STXBP5L: variants seen among roughly 807,000 people sequenced by gnomAD.
STXBP5L encodes the protein syntaxin-binding protein 5-like.
In STXBP5L, 65 loss-of-function variants were observed where a neutral mutation model predicts 144.5. That is an observed-to-expected ratio of 0.45 (90% CI 0.37 to 0.55). STXBP5L has a LOEUF of 0.55. Ranked by LOEUF, STXBP5L falls within the 20% of genes least tolerant of loss-of-function variation. The pLI is 0.00. For synonymous variants in STXBP5L, 505 were observed against 469.6 expected (o/e 1.08, Z -0.97); for missense variants, 1,298 against 1,405.5 (o/e 0.92, Z 1.22).
chr3:120,910,332 G>C (rs952617631), intron 2 of STXBP5L, among the ~76,000 whole-genome samples: 1 of 152,164 alleles, frequency 6.6e-6, no homozygotes, highest in South Asian at 2.1e-4. Context: ...GGGTGTTCTG[G>C]TTTAGTAAGA....
intron 17 of STXBP5L, 23 bp from the exon 18 acceptor site, chr3:121,259,020 T>C: frequency 1.3e-6 from 2 of 1,583,568 alleles, no homozygotes; most frequent in Non-Finnish European, 1.7e-6. Flanking sequence ...CTGTATATAA[T>C]AGGATTGTTT....
chr3:121,375,066 A>G lies in STXBP5L; in HGVS notation c.2177-3650A>G, dbSNP rs140132839. On this transcript the variant is annotated intron_variant, in intron 20 of 26. Coordinates refer to ENST00000471454, the MANE Select transcript of STXBP5L (RefSeq NM_001308330.2). The stretch of plus-strand genomic sequence containing the variant: ...AGTGAAAGAGGAGAAATTACTTACC[A>G]GGTACAGAGTACTTATTCAGATGTG... Among the ~76,000 whole-genome samples, 54 of 152,264 alleles carry G rather than the reference A, an allele frequency of 3.5e-4. 1 individual carries two copies. In the East Asian group the frequency reaches 5.4e-3, roughly 15 times the overall value.
At chr3:121,053,504 T>C (rs1160974587) in intron 5 of STXBP5L, among the ~76,000 whole-genome samples, 1 of 152,224 alleles carries the variant, frequency 6.6e-6, no homozygotes, top group South Asian at 2.1e-4. Context: ...GGATTCCCTA[T>C]TTAATAAATG....
chr3:121,259,060 T>C lies in STXBP5L; in HGVS notation c.1850T>C (p.Val617Ala). The C allele has an allele frequency of 6.2e-7, 1 of 1,604,146 alleles. No homozygotes were observed. Among genetic ancestry groups the C allele is most frequent in the Non-Finnish European group, 8.5e-7 (1 of 1,174,152 alleles). The change falls in exon 18 of 27, where the codon GTG becomes GCG. Residue 617 changes from valine (V) to alanine (A), a missense_variant. Physicochemically the swap from Val to Ala is moderately conservative, Grantham distance 64. Coordinates refer to ENST00000471454, the MANE Select transcript of STXBP5L (RefSeq NM_001308330.2). ...IPCLNVKTRP[V>A]RMPPGYQAEL... ...TCTTAAAGTGTGAAGACACGGCCAG[T>C]GCGAATGCCTCCAGGATATCAAGCA...
chr3:121,035,823 A>G (rs1318915453), intron 3 of STXBP5L, among the ~76,000 whole-genome samples: 1 of 152,102 alleles, frequency 6.6e-6, no homozygotes, highest in African/African-American at 2.4e-5. Flanking sequence ...AATCTAGATC[A>G]ATTTAGGGAA....
chr3:121,114,622 A>T (rs1224334013), intron 5 of STXBP5L, among the ~76,000 whole-genome samples: 1 of 152,148 alleles, frequency 6.6e-6, no homozygotes, highest in African/African-American at 2.4e-5. Context: ...TAAACAAAAA[A>T]ATTCAGCCAC....
At chr3:121,396,087 C>T (rs1458270044) in intron 22 of STXBP5L, among the ~76,000 whole-genome samples, 1 of 152,256 alleles carries the variant, frequency 6.6e-6, no homozygotes, top group Non-Finnish European at 1.5e-5. Context: ...GATCTCCCCA[C>T]CAAATCAGTT....
chr3:121,277,078 A>C (rs1361190119), intron 18 of STXBP5L, among the ~76,000 whole-genome samples: 2 of 152,078 alleles, frequency 1.3e-5, no homozygotes, highest in African/African-American at 4.8e-5. Context: ...CAAATATACT[A>C]TAAATTGGGT....
At chr3:121,298,868 T>A (rs530032431) in intron 19 of STXBP5L, among the ~76,000 whole-genome samples, 83 of 152,350 alleles carry the variant, frequency 5.4e-4, no homozygotes, top group African/African-American at 2.0e-3. Flanking sequence ...AACAGTACTG[T>A]AATGTACACT....
chr3:121,412,939 C>T (rs553924794), intron 23 of STXBP5L, among the ~76,000 whole-genome samples: 79 of 151,874 alleles, frequency 5.2e-4, no homozygotes, highest in African/African-American at 1.8e-3. Context: ...GAGGCTGAGG[C>T]GTGAGAATCA....
chr3:121,352,750 G>T (rs1576260270), intron 20 of STXBP5L, among the ~76,000 whole-genome samples: 2 of 151,994 alleles, frequency 1.3e-5, no homozygotes. Context: ...GGGTATCCTT[G>T]TCTTGTGCTG....
At position 121,148,806 on chromosome 3, in the gene STXBP5L, T is replaced by G. The variant is rs188608902; in HGVS notation, c.670-3671T>G. ...GCATATATGTATTTACCAAAAGATA[T>G]GTACAAGGTTGTTCATGGCAGTATT... On this transcript the variant is annotated intron_variant, in intron 7 of 26. Transcript: ENST00000471454. 1.1e-4 allele frequency among the ~76,000 whole-genome samples: 16 copies of G among 152,182 alleles called. 1 individual carries two copies. The East Asian group carries it at 2.5e-3, about 24-fold the overall frequency.
At chr3:121,304,783 T>C (rs1479260065) in intron 19 of STXBP5L, among the ~76,000 whole-genome samples, 4 of 151,736 alleles carry the variant, frequency 2.6e-5, no homozygotes. Context: ...CTTCATGATC[T>C]AAAGCTCTTG....
chr3:121,069,502 A>T (rs2041706144), intron 5 of STXBP5L, among the ~76,000 whole-genome samples: 1 of 152,018 alleles, frequency 6.6e-6, no homozygotes, highest in Non-Finnish European at 1.5e-5. Flanking sequence ...TCTCGGTGTA[A>T]TTTCCAAAAA....
chr3:121,093,042 G>A (rs1002559029), intron 5 of STXBP5L, among the ~76,000 whole-genome samples: 4 of 151,906 alleles, frequency 2.6e-5, no homozygotes, highest in Non-Finnish European at 4.4e-5. Flanking sequence ...TGTGGTTTTT[G>A]CCTTTGGTTC....
intron 19 of STXBP5L, among the ~76,000 whole-genome samples, chr3:121,304,356 A>T (rs575719871): frequency 6.6e-6 from 1 of 152,290 alleles, no homozygotes; most frequent in East Asian, 1.9e-4. Context: ...ATAAAAAACT[A>T]AAGCAACTCT....
chr3:121,396,771 A>G (rs2046740389), intron 22 of STXBP5L, among the ~76,000 whole-genome samples: 1 of 152,254 alleles, frequency 6.6e-6, no homozygotes, highest in Non-Finnish European at 1.5e-5. Flanking sequence ...CTAGGTGATC[A>G]GCCATTTGAT....
intron 7 of STXBP5L, among the ~76,000 whole-genome samples, chr3:121,147,041 AAAAC>A (rs998662990): frequency 8.5e-5 from 13 of 152,222 alleles, no homozygotes; most frequent in African/African-American, 1.7e-4. Context: ...AGTCACTGAG[AAAAC>A]AAACAAACAA....
intron 3 of STXBP5L, among the ~76,000 whole-genome samples, chr3:121,033,321 A>G (rs1239622535): frequency 8.3e-6 from 1 of 120,750 alleles, no homozygotes; most frequent in Non-Finnish European, 1.7e-5. Flanking sequence ...TATCGCAAGA[A>G]CAAAAAACCA....
Sources: allele counts gnomAD v4.1 joint callset (sites outside exome capture counted in the v4.1 genomes callset), GRCh38; gene constraint gnomAD v4.1.1; transcripts MANE v1.5; gene names NCBI Gene and HGNC (gene_info 2026-07-23, HGNC 2026-07-21).